The following CNTNAP2 variants were observed in gnomAD, a reference collection of about 807,000 sequenced individuals.
CNTNAP2 encodes the protein contactin-associated protein-like 2.
A neutral mutation model predicts 155.2 loss-of-function variants in CNTNAP2; 98 were observed. The ratio of observed to expected loss-of-function variants is 0.63; its 90% CI spans 0.54 to 0.75. The LOEUF (loss-of-function observed/expected upper bound fraction) is 0.75. CNTNAP2 is among the 30% of genes least tolerant of loss of function. The probability of loss-of-function intolerance (pLI) is 0.00; values close to 1 mark genes in which losing one functional copy is unlikely to be tolerated. For missense variants in CNTNAP2, 1,727 were observed against 1,688.1 expected (o/e 1.02, Z -0.40); for synonymous variants, 651 against 631.2 (o/e 1.03, Z -0.47).
At chr7:146,279,617 T>A (rs1481336010) in intron 1 of CNTNAP2, among the ~76,000 whole-genome samples, 1 of 152,042 alleles carries the variant, frequency 6.6e-6, no homozygotes, top group Non-Finnish European at 1.5e-5. Context: ...GAAAAAATAA[T>A]TTGTTTAGAA....
intron 3 of CNTNAP2, among the ~76,000 whole-genome samples, chr7:147,021,250 T>C (rs1016046915): frequency 7.6e-6 from 1 of 132,106 alleles, no homozygotes; most frequent in Non-Finnish European, 1.7e-5. Context: ...ATTTTATGTA[T>C]GGCCCAAGAC....
At chr7:146,402,859 T>G (rs1267385371) in intron 1 of CNTNAP2, among the ~76,000 whole-genome samples, 2 of 152,156 alleles carry the variant, frequency 1.3e-5, no homozygotes, top group Non-Finnish European at 2.9e-5. Context: ...TGACTTTGAA[T>G]AACTTAATCA....
At chr7:147,886,050 A>G (rs1212579035) in intron 13 of CNTNAP2, among the ~76,000 whole-genome samples, 1 of 152,166 alleles carries the variant, frequency 6.6e-6, no homozygotes, top group Admixed American at 6.5e-5. Flanking sequence ...CTGCTTTCCT[A>G]AATTCTTTCT....
chr7:147,731,702 CAGAG>C (rs1796742351), intron 13 of CNTNAP2, among the ~76,000 whole-genome samples: 1 of 152,096 alleles, frequency 6.6e-6, no homozygotes, highest in Admixed American at 6.6e-5. Context: ...AGCTGCCAAA[CAGAG>C]TGATTTCTCT....
chr7:148,326,681 A>T (rs1045559282), intron 21 of CNTNAP2, among the ~76,000 whole-genome samples: 1 of 152,104 alleles, frequency 6.6e-6, no homozygotes, highest in African/African-American at 2.4e-5. Flanking sequence ...CTTGGCCAAC[A>T]CGGTGAAACC....
intron 8 of CNTNAP2, among the ~76,000 whole-genome samples, chr7:147,292,660 ACCACTACCTAGAT>A (rs1805340126): frequency 6.6e-6 from 1 of 152,280 alleles, no homozygotes; most frequent in African/African-American, 2.4e-5. Flanking sequence ...CAAGATAAGG[ACCACTACCTAGAT>A]CCTTTTTTCT....
chr7:146,807,953 G>T (rs964155064), intron 2 of CNTNAP2, among the ~76,000 whole-genome samples: 1 of 152,068 alleles, frequency 6.6e-6, no homozygotes, highest in Non-Finnish European at 1.5e-5. Flanking sequence ...CTTAATAATA[G>T]TGGGCCACTA....
At chr7:146,274,476 A>T (rs190128264) in intron 1 of CNTNAP2, among the ~76,000 whole-genome samples, 70 of 152,304 alleles carry the variant, frequency 4.6e-4, no homozygotes, top group Admixed American at 2.6e-3. Context: ...AAGAGACCAG[A>T]TGAGACGGCA....
intron 17 of CNTNAP2, among the ~76,000 whole-genome samples, chr7:148,158,222 C>CTTTTTTTTTTT (rs1224617335): frequency 0.29 from 27,397 of 93,438 alleles, 7,123 homozygotes; most frequent in African/African-American, 0.41. Flanking sequence ...AATGTTTGCG[C>CTTTTTTTTTTT]TTTTTTTTTT....
chr7:147,121,149 G>A lies in CNTNAP2; in HGVS notation c.925G>A (p.Asp309Asn). The change falls in exon 6 of 24, where the codon GAC becomes AAC. Residue 309 changes from aspartate to asparagine, a missense_variant. Asp to Asn is a conservative substitution (Grantham distance 23). Coordinates refer to ENST00000361727, the MANE Select transcript of CNTNAP2 (RefSeq NM_014141.6). ...TACCAATGGAGAGTTTGACTACCTG[G>A]ACTTGGACTATGAGGTACATGTGAT... ...FRTNGEFDYLDLDYEITFGGI... is the reference protein window; with the variant it reads ...FRTNGEFDYLNLDYEITFGGI... 1 of 1,614,050 alleles carries A rather than the reference G, an allele frequency of 6.2e-7. No homozygotes were observed. Among genetic ancestry groups the A allele is most frequent in the South Asian group, 1.1e-5 (1 of 91,060 alleles).
At chr7:148,113,157 GA>G (rs1270989549) in intron 15 of CNTNAP2, among the ~76,000 whole-genome samples, 2 of 152,180 alleles carry the variant, frequency 1.3e-5, no homozygotes, top group African/African-American at 4.8e-5. Context: ...AATTTATAAA[GA>G]AAAGAGGTTT....
At chr7:146,722,548 G>A (rs1585059312) in intron 1 of CNTNAP2, among the ~76,000 whole-genome samples, 1 of 152,064 alleles carries the variant, frequency 6.6e-6, no homozygotes, top group Non-Finnish European at 1.5e-5. Flanking sequence ...TCTGTGGCTG[G>A]TTGGTGAGAT....
intron 1 of CNTNAP2, among the ~76,000 whole-genome samples, chr7:146,301,558 G>A (rs1584856835): frequency 6.6e-6 from 1 of 152,008 alleles, no homozygotes; most frequent in Admixed American, 6.6e-5. Context: ...CCCGGGAGGC[G>A]GAGCTTGTAG....
chr7:147,249,604 T>TAAAAAAAAAAAAAAAAAAAAAA lies in CNTNAP2; in HGVS notation c.1349-50516_1349-50515insAAAAAAAAAAAAAAAAAAAAAA, dbSNP rs755601249. Among the ~76,000 whole-genome samples the TAAAAAAAAAAAAAAAAAAAAAA allele has an allele frequency of 5.4e-4, 38 of 69,984 alleles. 2 individuals carry two copies. Among genetic ancestry groups the TAAAAAAAAAAAAAAAAAAAAAA allele is most frequent in the African/African-American group, 2.2e-3 (37 of 16,742 alleles). 45.9% of individuals were successfully genotyped at this position (69,984 alleles called of 152,430 possible). A position where few individuals can be genotyped will look rare whatever the true frequency, so the allele number is the denominator to read the frequency against. ...CTATAATAAAGGAAGACATTGGAGG[T>TAAAAAAAAAAAAAAAAAAAAAA]AAAAAAAAAAAAAAAAAAAAAGGTT... is the stretch of plus-strand genomic sequence containing the variant. On this transcript the variant is annotated intron_variant, in intron 8 of 23. Coordinates refer to ENST00000361727, the MANE Select transcript of CNTNAP2 (RefSeq NM_014141.6).
chr7:147,480,679 G>A (rs939861067), intron 10 of CNTNAP2, among the ~76,000 whole-genome samples: 18 of 152,180 alleles, frequency 1.2e-4, no homozygotes, highest in Admixed American at 3.3e-4. Context: ...TGAACAGATC[G>A]TGTTAGCCCT....
chr7:146,374,847 T>G (rs1795284224), intron 1 of CNTNAP2, among the ~76,000 whole-genome samples: 1 of 152,198 alleles, frequency 6.6e-6, no homozygotes, highest in African/African-American at 2.4e-5. Context: ...TAAATGGAAT[T>G]TACAACTAAG....
At position 147,486,322 on chromosome 7, in the gene CNTNAP2, G is replaced by A. The variant is rs145175970; in HGVS notation, c.1777+281G>A. On this transcript the variant is annotated intron_variant, in intron 11 of 23. Transcript: ENST00000361727. ...AGATTGGAAGTCCAAACTTGGATTC[G>A]CCTCTCTGTGTCTAACCCACATCTG... Among the ~76,000 whole-genome samples, 730 of 152,208 alleles carry A rather than the reference G, an allele frequency of 4.8e-3. 3 individuals are homozygous for A. Among genetic ancestry groups the A allele is most frequent in the African/African-American group, 0.017 (690 of 41,532 alleles).
intron 9 of CNTNAP2, among the ~76,000 whole-genome samples, chr7:147,351,736 CG>C (rs1795970908): frequency 6.6e-6 from 1 of 151,672 alleles, no homozygotes; most frequent in South Asian, 2.1e-4. Flanking sequence ...TCCAAGCAAG[CG>C]TCTCAGAGTG....
At position 147,308,725 on chromosome 7, in the gene CNTNAP2, C is replaced by T. The variant is rs183544665; in HGVS notation, c.1498+8435C>T. Among the ~76,000 whole-genome samples, 287 of 152,262 alleles carry T rather than the reference C, an allele frequency of 1.9e-3. 3 individuals are homozygous for T. Among genetic ancestry groups the T allele is most frequent in the African/African-American group, 6.6e-3 (276 of 41,556 alleles). The stretch of plus-strand genomic sequence containing the variant: ...GTGGTCATAGTTCCACCAAAATTAA[C>T]GGAACCATGGACAGCTCCCTCCCAA... On this transcript the variant is annotated intron_variant, in intron 9 of 23. Coordinates refer to ENST00000361727, the MANE Select transcript of CNTNAP2 (RefSeq NM_014141.6).
Sources: gnomAD v4.1 joint callset for allele counts (sites outside exome capture counted in the v4.1 genomes callset) on GRCh38, gnomAD v4.1.1 for gene constraint, MANE v1.5 for transcripts, NCBI Gene and HGNC (gene_info 2026-07-23, HGNC 2026-07-21) for gene names.